The following RFC3 variants were observed in gnomAD, a reference collection of about 807,000 sequenced individuals.
RFC3 encodes A1 38 kDa subunit.
A neutral mutation model predicts 45.1 loss-of-function variants in RFC3; 41 were observed. The ratio of observed to expected loss-of-function variants is 0.91; its 90% CI spans 0.71 to 1.18. RFC3 has a LOEUF of 1.18. RFC3 is among the 50% of genes most tolerant of loss of function. RFC3 has a pLI of 0.00. For synonymous variants in RFC3, 149 were observed against 144.0 expected (o/e 1.03, Z -0.25); for missense variants, 423 against 428.1 (o/e 0.99, Z 0.10).
At chr13:33,855,567 G>A (rs894071480) in intron 8 of RFC3, among the ~76,000 whole-genome samples, 3 of 152,148 alleles carry the variant, frequency 2.0e-5, no homozygotes, top group African/African-American at 7.2e-5. Context: ...ATTCCACAAT[G>A]GTTGAACTAA....
At chr13:33,832,277 G>C (rs3135613) in intron 7 of RFC3, among the ~76,000 whole-genome samples, 17,789 of 152,052 alleles carry the variant, frequency 0.12, 1,409 homozygotes, top group African/African-American at 0.21. Flanking sequence ...CCTTACAGAG[G>C]GTAGTTGATC....
chr13:33,885,279 T>C (rs2082513270), intron 8 of RFC3, among the ~76,000 whole-genome samples: 1 of 151,842 alleles, frequency 6.6e-6, no homozygotes, highest in South Asian at 2.1e-4. Flanking sequence ...TGAGACATCA[T>C]AGGAAAAAAA....
intron 8 of RFC3, among the ~76,000 whole-genome samples, chr13:33,926,884 A>G (rs1473942451): frequency 2.6e-5 from 4 of 151,000 alleles, no homozygotes; most frequent in Non-Finnish European, 5.9e-5. Context: ...TTAGGAAATA[A>G]TGGCTCATTC....
chr13:33,818,564 G>A (rs2081970206), intron 1 of RFC3, among the ~76,000 whole-genome samples: 1 of 152,248 alleles, frequency 6.6e-6, no homozygotes, highest in Admixed American at 6.5e-5. Flanking sequence ...AAAATTCCCG[G>A]GCAGGGATGT....
intron 8 of RFC3, among the ~76,000 whole-genome samples, chr13:33,852,528 G>A (rs184216344): frequency 7.3e-4 from 111 of 152,212 alleles, no homozygotes; most frequent in Middle Eastern, 3.4e-3. Context: ...ATTTATTGGG[G>A]AGTAACCCTC....
At chr13:33,890,475 A>G (rs1471641863) in intron 8 of RFC3, among the ~76,000 whole-genome samples, 1 of 152,176 alleles carries the variant, frequency 6.6e-6, no homozygotes, top group Non-Finnish European at 1.5e-5. Context: ...GGTGATTTGG[A>G]TGCCATCGTA....
intron 8 of RFC3, among the ~76,000 whole-genome samples, chr13:33,900,241 A>G (rs2082631331): frequency 1.3e-5 from 2 of 152,106 alleles, no homozygotes; most frequent in South Asian, 4.1e-4. Flanking sequence ...AGAAAAAAGA[A>G]CAAAGCGGGA....
intron 8 of RFC3, among the ~76,000 whole-genome samples, chr13:33,875,716 A>C (rs543248249): frequency 1.3e-5 from 2 of 152,206 alleles, no homozygotes; most frequent in South Asian, 4.2e-4. Context: ...GGAAATGGGC[A>C]CTGATCCACC....
At chr13:33,863,907 G>C (rs2082357351) in intron 8 of RFC3, among the ~76,000 whole-genome samples, 1 of 152,072 alleles carries the variant, frequency 6.6e-6, no homozygotes, top group Admixed American at 6.6e-5. Flanking sequence ...TCCTCTCTCT[G>C]ACTTAGCGTA....
chr13:33,883,218 A>G (rs1329544267), intron 8 of RFC3, among the ~76,000 whole-genome samples: 1 of 152,238 alleles, frequency 6.6e-6, no homozygotes, highest in Non-Finnish European at 1.5e-5. Context: ...CTGCAAAAAT[A>G]TTGGAACTCT....
chr13:33,904,299 C>T (rs902169467), intron 8 of RFC3, among the ~76,000 whole-genome samples: 3 of 151,980 alleles, frequency 2.0e-5, no homozygotes, highest in Non-Finnish European at 4.4e-5. Context: ...CCTGACTTTC[C>T]TGTTTTTTTC....
rs553787455 is a variant in RFC3 at position 33,864,741 on chromosome 13, A to G, written c.879+29524A>G. 6.1e-4 allele frequency among the ~76,000 whole-genome samples: 93 copies of G among 152,214 alleles called. No homozygotes were observed. The South Asian group carries it at 0.018, about 30-fold the overall frequency. ...TGGAAATTATTGAGCAGAAAGTGAT[A>G]TAATCCAATAAATGGTATAGATTTT... is the stretch of plus-strand genomic sequence containing the variant. On this transcript the variant is annotated intron_variant, in intron 8 of 8. Coordinates refer to the RFC3 transcript ENST00000434425.
intron 8 of RFC3, among the ~76,000 whole-genome samples, chr13:33,896,932 G>C (rs1458479507): frequency 6.6e-6 from 1 of 151,762 alleles, no homozygotes; most frequent in African/African-American, 2.4e-5. Flanking sequence ...ATCTTATTGA[G>C]ACAAAAGCTG....
intron 8 of RFC3, among the ~76,000 whole-genome samples, chr13:33,869,417 G>T (rs895339600): frequency 6.3e-5 from 9 of 143,712 alleles, no homozygotes; most frequent in Non-Finnish European, 1.2e-4. Flanking sequence ...GGGGTAGGGG[G>T]CATGATTGTT....
chr13:33,894,878 C>G (rs1447360553), intron 8 of RFC3, among the ~76,000 whole-genome samples: 1 of 152,004 alleles, frequency 6.6e-6, no homozygotes. Context: ...TGATCTTTGA[C>G]AAAGTATTAA....
chr13:33,921,218 T>G (rs919146734), intron 8 of RFC3, among the ~76,000 whole-genome samples: 1 of 152,136 alleles, frequency 6.6e-6, no homozygotes, highest in African/African-American at 2.4e-5. Flanking sequence ...CCTTCCTCAT[T>G]AGGCAATGAG....
chr13:33,960,911 A>G (rs543222121), intron 8 of RFC3, among the ~76,000 whole-genome samples: 12 of 152,266 alleles, frequency 7.9e-5, no homozygotes, highest in African/African-American at 2.6e-4. Flanking sequence ...CTCTTGTTCT[A>G]TGGTCACTCC....
At chr13:33,897,938 A>T (rs2082612349) in intron 8 of RFC3, among the ~76,000 whole-genome samples, 1 of 151,974 alleles carries the variant, frequency 6.6e-6, no homozygotes, top group Non-Finnish European at 1.5e-5. Context: ...AATTGCCTGT[A>T]TCAAAATATC....
At chr13:33,896,688 G>A (rs2082600872) in intron 8 of RFC3, among the ~76,000 whole-genome samples, 1 of 124,878 alleles carries the variant, frequency 8.0e-6, no homozygotes, top group East Asian at 2.5e-4. Context: ...CTCCAGCCTG[G>A]GCAACAGAGT....
Sources: allele counts gnomAD v4.1 joint callset (sites outside exome capture counted in the v4.1 genomes callset), GRCh38; gene constraint gnomAD v4.1.1; transcripts MANE v1.5; gene names NCBI Gene and HGNC (gene_info 2026-07-23, HGNC 2026-07-21).